ZC3H7B: variants seen among roughly 807,000 people sequenced by gnomAD.
ZC3H7B encodes the protein zinc finger CCCH-type containing 7B.
Under a neutral mutation model 116.0 loss-of-function variants are expected in ZC3H7B, and 35 were observed. The observed-to-expected ratio is 0.30, with a 90% CI of 0.23 to 0.40. The LOEUF (loss-of-function observed/expected upper bound fraction) is 0.40, where lower values mean the gene tolerates loss of function less well. Ranked by LOEUF, ZC3H7B falls within the 10% of genes least tolerant of loss-of-function variation. The pLI is 1.00. For missense variants in ZC3H7B, 1,011 were observed against 1,321.5 expected (o/e 0.77, Z 3.64); for synonymous variants, 502 against 545.6 (o/e 0.92, Z 1.11).
intron 7 of ZC3H7B, chr22:41,336,921 A>G (rs2145926003): frequency 6.6e-6 from 1 of 152,016 alleles, no homozygotes; most frequent in East Asian, 1.9e-4. Flanking sequence ...GGATCACCTA[A>G]GGTCCGGAAT....
At position 41,358,484 on chromosome 22, in the gene ZC3H7B, CTGTGTGAGG is replaced by C. The variant is rs1339944606; in HGVS notation, c.*1060_*1068del. 1 of 152,376 alleles carries C rather than the reference CTGTGTGAGG, an allele frequency of 6.6e-6. No homozygotes were observed. Among genetic ancestry groups the C allele is most frequent in the African/African-American group, 2.4e-5 (1 of 41,422 alleles). The allele number at this position is 152,376 out of a possible 1,614,324, so 9.4% of individuals were successfully genotyped here. A position where few individuals can be genotyped will look rare whatever the true frequency, so the allele number is the denominator to read the frequency against. On this transcript the variant is annotated 3_prime_UTR_variant, in exon 23 of 23. Coordinates refer to ENST00000352645, the MANE Select transcript of ZC3H7B (RefSeq NM_017590.6). ...GGGCAGGACACCATGAGCTCAGGAT[CTGTGTGAGG>C]TGTGGGAGGTGGGAAGGGTGAGGGT... is the stretch of plus-strand genomic sequence containing the variant.
rs1235479630 is a variant in ZC3H7B at position 41,338,349 on chromosome 22, G to A, written c.619G>A (p.Glu207Lys). Residue 207 changes from glutamate to lysine, a missense_variant, in exon 8 of 23, where the codon GAA becomes AAA. Physicochemically the swap from Glu to Lys is moderately conservative, Grantham distance 56 (BLOSUM62 1). This residue lies in a region of ZC3H7B where 322 missense variants were observed against 443.9 expected (regional missense o/e 0.73). Transcript: ENST00000352645. This position sits in a 1 kb window ranked among gnomAD's most constrained non-coding sequence, Gnocchi z 4.5. ...TGGATTGGGGTCCATAGATGACATC[G>A]AAACAGGTAATGTCCCCGATACGAG... Reference protein sequence around the residue: ...SNGLGSIDDIETDCYVDPRGS... With the variant: ...SNGLGSIDDIKTDCYVDPRGS... 3.1e-6 allele frequency: 5 copies of A among 1,613,682 alleles called. No homozygotes were observed. The highest frequency in any genetic ancestry group is 4.2e-6 in the Non-Finnish European group (5 of 1,179,878).
At chr22:41,312,156 CAA>C (rs57597464) in intron 1 of ZC3H7B, among the ~76,000 whole-genome samples, 471 of 88,910 alleles carry the variant, frequency 5.3e-3, no homozygotes, top group Admixed American at 7.0e-3. Flanking sequence ...GACTCCGTCT[CAA>C]AAAAAAAAAA....
chr22:41,323,148 C>T lies in ZC3H7B; in HGVS notation c.54-2416C>T, dbSNP rs534455911. On this transcript the variant is annotated intron_variant, in intron 2 of 22. Coordinates refer to ENST00000352645, the MANE Select transcript of ZC3H7B (RefSeq NM_017590.6). ...GTTTTGGGTGCACCTAGAGCATGGCCCCAAGTTCAGCACCCCTTCCCTGGG... is the reference window on the plus strand; with the variant it reads ...GTTTTGGGTGCACCTAGAGCATGGCTCCAAGTTCAGCACCCCTTCCCTGGG... Among the ~76,000 whole-genome samples, 33 of 152,266 alleles carry T rather than the reference C, an allele frequency of 2.2e-4. No homozygotes were observed. In the South Asian group the frequency reaches 6.6e-3, roughly 31 times the overall value.
chr22:41,357,622 C>A lies in ZC3H7B; in HGVS notation c.*193C>A. On this transcript the variant is annotated 3_prime_UTR_variant, in exon 23 of 23. Transcript: ENST00000352645. This position sits in a 1 kb window ranked among gnomAD's most constrained non-coding sequence, Gnocchi z 5.4. Reference sequence around the variant, plus strand: ...GCGTACCCAGGCGCACGTGCTGCAGCCCCCGGAGGCCCCGCTGAAACCTGG... The same window carrying A: ...GCGTACCCAGGCGCACGTGCTGCAGACCCCGGAGGCCCCGCTGAAACCTGG... The A allele has an allele frequency of 1.3e-6, 1 of 763,554 alleles. No individual in the cohort carries two copies. Among genetic ancestry groups the A allele is most frequent in the Non-Finnish European group, 2.0e-6 (1 of 489,840 alleles). 47.3% of individuals were successfully genotyped at this position (763,554 alleles called of 1,614,324 possible). A position where few individuals can be genotyped will look rare whatever the true frequency, so the allele number is the denominator to read the frequency against.
chr22:41,309,134 C>T (rs376041490), intron 1 of ZC3H7B, among the ~76,000 whole-genome samples: 1 of 151,410 alleles, frequency 6.6e-6, no homozygotes, highest in African/African-American at 2.4e-5. Flanking sequence ...GCCTCAGCCT[C>T]CCGTGTAGCT....
intron 10 of ZC3H7B, among the ~76,000 whole-genome samples, chr22:41,340,501 C>G (rs980670821): frequency 6.6e-6 from 1 of 152,056 alleles, no homozygotes; most frequent in Non-Finnish European, 1.5e-5. Flanking sequence ...TCCCACTGCA[C>G]CACTCTGGGC....
At chr22:41,311,040 C>T (rs1256097510) in intron 1 of ZC3H7B, among the ~76,000 whole-genome samples, 37 of 150,568 alleles carry the variant, frequency 2.5e-4, no homozygotes, top group Admixed American at 2.5e-3. Flanking sequence ...GCTGGGATTA[C>T]AGGTGTGAGC....
At chr22:41,319,130 A>G (rs146398595) in intron 1 of ZC3H7B, among the ~76,000 whole-genome samples, 16 of 152,200 alleles carry the variant, frequency 1.1e-4, no homozygotes, top group South Asian at 1.0e-3. Flanking sequence ...GGCTGGGCAC[A>G]GTGGCTCACG....
At position 41,339,963 on chromosome 22, in the gene ZC3H7B, G is replaced by T. The variant is rs2036498172; in HGVS notation, c.964G>T (p.Gly322Cys). The T allele has an allele frequency of 6.2e-7, 1 of 1,612,374 alleles. No individual in the cohort carries two copies. The highest frequency in any genetic ancestry group is 1.3e-5 in the African/African-American group (1 of 74,992). Reference sequence around the variant, plus strand: ...CAGCCCACTGCCCCCCGCCTCCTTCGGCTTGGTCATGGACCCCTCCAAGAA... The same window carrying T: ...CAGCCCACTGCCCCCCGCCTCCTTCTGCTTGGTCATGGACCCCTCCAAGAA... ...VSSPLPPASF[G>C]LVMDPSKKLA... is the part of the protein sequence containing the mutation. The change falls in exon 10 of 23, where the codon GGC becomes TGC. Residue 322 changes from glycine to cysteine, a missense_variant. By Grantham distance (159) the Gly-to-Cys change is radical (BLOSUM62 -3). Transcript: ENST00000352645.
chr22:41,322,620 C>T (rs1043128381), intron 2 of ZC3H7B, among the ~76,000 whole-genome samples: 6 of 152,120 alleles, frequency 3.9e-5, no homozygotes, highest in Non-Finnish European at 8.8e-5. Flanking sequence ...GGCATCGTGG[C>T]CTCTCACTTG....
chr22:41,342,780 G>A, intron 12 of ZC3H7B, 152 bp downstream of exon 12: 1 of 752,344 alleles, frequency 1.3e-6, no homozygotes, highest in Non-Finnish European at 2.1e-6. Context: ...AAAGGGGCAG[G>A]AGTTTGGGGT....
At chr22:41,345,229 T>G (rs1032089114) in intron 13 of ZC3H7B, among the ~76,000 whole-genome samples, 2 of 152,246 alleles carry the variant, frequency 1.3e-5, no homozygotes, top group African/African-American at 4.8e-5. Context: ...CAATTCTGTC[T>G]GACGCCAAAT....
At chr22:41,317,595 G>C (rs1381350344) in intron 1 of ZC3H7B, among the ~76,000 whole-genome samples, 8 of 151,704 alleles carry the variant, frequency 5.3e-5, no homozygotes, top group Admixed American at 5.3e-4. Flanking sequence ...TTCGAGACCA[G>C]CCTGGGCAAC....
At chr22:41,340,910 G>A (rs1297612228) in intron 10 of ZC3H7B, among the ~76,000 whole-genome samples, 178 bp from the exon 11 acceptor site, 3 of 152,166 alleles carry the variant, frequency 2.0e-5, no homozygotes, top group African/African-American at 7.2e-5. Context: ...AGGCTGGGAG[G>A]CGTCTTTGCC....
At chr22:41,348,019 C>T (rs754632286) in intron 14 of ZC3H7B, 48 bp from the exon 15 acceptor site, 2 of 1,554,048 alleles carry the variant, frequency 1.3e-6, no homozygotes, top group Non-Finnish European at 1.8e-6. Context: ...AGCTCACCCC[C>T]TTCCCAGGTG....
At position 41,338,255 on chromosome 22, in the gene ZC3H7B, T is replaced by C; in HGVS notation, c.583-58T>C. ...TAGTCACGTGGGGAGGGGCTGGTGCTGGGTGCTGGGATCGGGGCCTTCCCA... is the reference window on the plus strand; with the variant it reads ...TAGTCACGTGGGGAGGGGCTGGTGCCGGGTGCTGGGATCGGGGCCTTCCCA... On this transcript the variant is annotated intron_variant, in intron 7 of 22. Coordinates refer to ENST00000352645, the MANE Select transcript of ZC3H7B (RefSeq NM_017590.6). This position sits in a 1 kb window ranked among gnomAD's most constrained non-coding sequence, Gnocchi z 4.5. 5 of 1,578,578 alleles carry C rather than the reference T, an allele frequency of 3.2e-6. No individual in the cohort carries two copies. Among genetic ancestry groups the C allele is most frequent in the Non-Finnish European group, 4.3e-6 (5 of 1,156,318 alleles).
At chr22:41,319,172 T>C (rs893914774) in intron 1 of ZC3H7B, among the ~76,000 whole-genome samples, 81 of 151,852 alleles carry the variant, frequency 5.3e-4, no homozygotes, top group African/African-American at 1.3e-3. Flanking sequence ...GAGGCCAAGG[T>C]GGGCAGATCA....
chr22:41,305,490 A>G lies in ZC3H7B; in HGVS notation c.-7+3718A>G, dbSNP rs199639603. On this transcript the variant is annotated intron_variant, in intron 1 of 22. Transcript: ENST00000352645. ...ACGCCACTGCACTCCAGCCTGGGCA[A>G]CAGAGTGAAACTCTGTCTCAAAAAA... 1.1e-3 allele frequency among the ~76,000 whole-genome samples: 168 copies of G among 152,226 alleles called. 2 individuals carry two copies. The highest frequency in any genetic ancestry group is 5.8e-3 in the East Asian group (30 of 5,168).
Sources: gnomAD v4.1 joint callset for allele counts (sites outside exome capture counted in the v4.1 genomes callset) on GRCh38, gnomAD v4.1.1 for gene constraint, gnomAD v4.1.1 regional missense constraint, Gnocchi (gnomAD v3.1) non-coding constraint, MANE v1.5 for transcripts, NCBI Gene and HGNC (gene_info 2026-07-23, HGNC 2026-07-21) for gene names.